The following MARCHF1 variants were observed in gnomAD, a reference collection of about 807,000 sequenced individuals.
MARCHF1 encodes the protein E3 ubiquitin-protein ligase MARCHF1.
In MARCHF1, 40 loss-of-function variants were observed where a neutral mutation model predicts 54.2. The observed-to-expected ratio is 0.74, with a 90% CI of 0.57 to 0.96. The LOEUF is 0.96. MARCHF1 is among the 40% of genes least tolerant of loss of function. MARCHF1 has a pLI of 0.00. For missense variants in MARCHF1, 586 were observed against 656.5 expected, an observed-to-expected ratio of 0.89 and a Z score of 1.17; for synonymous variants, 236 against 236.3, an observed-to-expected ratio of 1.00 and a Z score of 0.01.
At chr4:163,679,979 G>GTTT (rs11327231) in intron 5 of MARCHF1, among the ~76,000 whole-genome samples, 1 of 139,374 alleles carries the variant, frequency 7.2e-6, no homozygotes, top group African/African-American at 2.6e-5. Flanking sequence ...CTTTTTATCT[G>GTTT]TTTTTTTTTT....
chr4:164,308,840 A>C (rs1303039780), intron 1 of MARCHF1, among the ~76,000 whole-genome samples: 3 of 152,080 alleles, frequency 2.0e-5, no homozygotes, highest in African/African-American at 7.2e-5. Context: ...AGCAGAAAAA[A>C]ATAACTATTG....
At chr4:163,613,513 T>C in intron 5 of MARCHF1, 120 bp from the exon 6 acceptor site, 2 of 1,609,712 alleles carry the variant, frequency 1.2e-6, no homozygotes, top group Non-Finnish European at 1.7e-6. Context: ...ATGTTGCTTA[T>C]AATGCAGAAC....
chr4:163,881,304 G>A lies in MARCHF1; in HGVS notation c.-38-27135C>T, dbSNP rs374842916. Among the ~76,000 whole-genome samples, 35 of 152,118 alleles carry A rather than the reference G, an allele frequency of 2.3e-4. 1 individual carries two copies. The highest frequency in any genetic ancestry group is 2.1e-3 in the East Asian group (11 of 5,166). ...AGCCTGGCCAACATGGCAAAACCCC[G>A]TCTCCACTAAAAGAACAAAAATTAG... On this transcript the variant is annotated intron_variant, in intron 3 of 9. Coordinates refer to ENST00000514618, the MANE Select transcript of MARCHF1 (RefSeq NM_001394959.1).
chr4:163,942,150 T>G (rs776000067), intron 3 of MARCHF1, among the ~76,000 whole-genome samples: 1 of 152,348 alleles, frequency 6.6e-6, no homozygotes, highest in Non-Finnish European at 1.5e-5. Context: ...AGTTACAGCC[T>G]GCTTTTATAA....
intron 1 of MARCHF1, among the ~76,000 whole-genome samples, chr4:164,307,902 G>C (rs1734738695): frequency 6.6e-6 from 1 of 152,144 alleles, no homozygotes. Flanking sequence ...TAATGTTTAA[G>C]TGTTCAAAAC....
chr4:163,764,866 A>G (rs1252540703), intron 4 of MARCHF1, among the ~76,000 whole-genome samples: 1 of 152,104 alleles, frequency 6.6e-6, no homozygotes, highest in South Asian at 2.1e-4. Context: ...CAATAGTTTA[A>G]CCTTGAATAT....
At chr4:163,654,582 T>G (rs1277231027) in intron 5 of MARCHF1, among the ~76,000 whole-genome samples, 1 of 151,710 alleles carries the variant, frequency 6.6e-6, no homozygotes, top group Non-Finnish European at 1.5e-5. Context: ...TTGGGTGAAT[T>G]GTTCTCATTC....
intron 1 of MARCHF1, among the ~76,000 whole-genome samples, chr4:164,225,706 GA>G (rs1034011184): frequency 7.2e-5 from 11 of 151,892 alleles, no homozygotes; most frequent in Admixed American, 5.9e-4. Flanking sequence ...ATGAGAACGT[GA>G]AATACCTGAA....
At chr4:164,130,045 T>C (rs760064186) in intron 1 of MARCHF1, 5 of 152,280 alleles carry the variant, frequency 3.3e-5, no homozygotes, top group Non-Finnish European at 7.4e-5. Flanking sequence ...AATTTATGAC[T>C]CAGATTTTGT....
intron 1 of MARCHF1, among the ~76,000 whole-genome samples, chr4:164,190,898 T>C (rs568708560): frequency 6.6e-6 from 1 of 152,342 alleles, no homozygotes; most frequent in South Asian, 2.1e-4. Context: ...CTTGAAATCA[T>C]GGTACCCCTT....
intron 5 of MARCHF1, among the ~76,000 whole-genome samples, chr4:163,635,572 T>C (rs1742286125): frequency 1.4e-5 from 2 of 147,880 alleles, no homozygotes; most frequent in Admixed American, 6.8e-5. Context: ...AATAGACCAA[T>C]AACAGGAGCT....
intron 3 of MARCHF1, among the ~76,000 whole-genome samples, chr4:163,907,402 C>T (rs370998263): frequency 3.9e-5 from 6 of 151,942 alleles, no homozygotes; most frequent in South Asian, 4.2e-4. Context: ...TAATAGGTCA[C>T]GATATAAAAA....
intron 3 of MARCHF1, among the ~76,000 whole-genome samples, chr4:163,956,201 C>T (rs1031925073): frequency 6.6e-6 from 1 of 152,016 alleles, no homozygotes; most frequent in African/African-American, 2.4e-5. Flanking sequence ...AAAATTGTTC[C>T]ATAATAGAAA....
chr4:163,934,735 T>G (rs777250495), intron 3 of MARCHF1, among the ~76,000 whole-genome samples: 4 of 151,964 alleles, frequency 2.6e-5, no homozygotes, highest in Non-Finnish European at 2.9e-5. Flanking sequence ...CCTGAAGTCT[T>G]GAACCATGCA....
chr4:163,945,366 T>C (rs1440734651), intron 3 of MARCHF1, among the ~76,000 whole-genome samples: 1 of 152,184 alleles, frequency 6.6e-6, no homozygotes, highest in East Asian at 1.9e-4. Context: ...TGTGAGATAT[T>C]TGATAATAAG....
At chr4:163,654,059 G>A (rs1320336390) in intron 5 of MARCHF1, among the ~76,000 whole-genome samples, 1 of 151,660 alleles carries the variant, frequency 6.6e-6, no homozygotes, top group Non-Finnish European at 1.5e-5. Context: ...TCTGGTGGGA[G>A]GAAAGTCAAC....
intron 4 of MARCHF1, among the ~76,000 whole-genome samples, chr4:163,758,733 C>T (rs1475390640): frequency 6.6e-6 from 1 of 152,170 alleles, no homozygotes; most frequent in Non-Finnish European, 1.5e-5. Flanking sequence ...TTGAAAGATA[C>T]ACTGAATAAC....
chr4:164,178,280 C>A (rs1243730948), intron 1 of MARCHF1, among the ~76,000 whole-genome samples: 1 of 152,150 alleles, frequency 6.6e-6, no homozygotes, highest in Non-Finnish European at 1.5e-5. Flanking sequence ...TTTGGAGATG[C>A]CTAACTATCC....
At chr4:163,748,119 C>T (rs1032101037) in intron 4 of MARCHF1, among the ~76,000 whole-genome samples, 2 of 152,170 alleles carry the variant, frequency 1.3e-5, no homozygotes, top group Admixed American at 6.5e-5. Flanking sequence ...GATACATTCC[C>T]CCACATTCCC....
Sources: gnomAD v4.1 joint callset for allele counts (sites outside exome capture counted in the v4.1 genomes callset) on GRCh38, gnomAD v4.1.1 for gene constraint, MANE v1.5 for transcripts, NCBI Gene and HGNC (gene_info 2026-07-23, HGNC 2026-07-21) for gene names.